UNC79: variants seen among roughly 807,000 people sequenced by gnomAD.
UNC79 encodes protein unc-79 homolog.
A neutral mutation model predicts 283.1 loss-of-function variants in UNC79; 37 were observed. The ratio of observed to expected loss-of-function variants is 0.13; its 90% CI spans 0.10 to 0.17. The LOEUF (loss-of-function observed/expected upper bound fraction) is 0.17, where lower values mean the gene tolerates loss of function less well. Among genes scored for constraint, UNC79 ranks in the 10% least tolerant of loss-of-function variants. UNC79 has a pLI of 1.00. For missense variants in UNC79, 2,272 were observed against 3,211.1 expected (o/e 0.71, Z 7.07); for synonymous variants, 1,107 against 1,200.2 (o/e 0.92, Z 1.61).
intron 1 of UNC79, among the ~76,000 whole-genome samples, chr14:93,386,847 G>A (rs1048675366): frequency 7.7e-6 from 1 of 129,392 alleles, no homozygotes; most frequent in Non-Finnish European, 1.7e-5. Flanking sequence ...TGTCACTCTT[G>A]TTTATCTTTT....
At chr14:93,681,986 G>C (rs2073882472) in intron 41 of UNC79, among the ~76,000 whole-genome samples, 1 of 152,192 alleles carries the variant, frequency 6.6e-6, no homozygotes, top group Admixed American at 6.5e-5. Context: ...CATCAAGCCT[G>C]TGCTCTTGAA....
At chr14:93,555,795 T>C (rs1329784442) in intron 14 of UNC79, among the ~76,000 whole-genome samples, 1 of 152,220 alleles carries the variant, frequency 6.6e-6, no homozygotes, top group Non-Finnish European at 1.5e-5. Flanking sequence ...GTAACTCTGA[T>C]TTTGCATTTT....
intron 33 of UNC79, 101 bp downstream of exon 36, chr14:93,641,348 T>A: frequency 8.6e-7 from 1 of 1,159,464 alleles, no homozygotes; most frequent in Non-Finnish European, 1.2e-6. Context: ...TGCTTTTAAG[T>A]CATAATTTGT....
intron 2 of UNC79, among the ~76,000 whole-genome samples, chr14:93,468,647 T>TA (rs1268297360): frequency 6.6e-6 from 1 of 152,240 alleles, no homozygotes; most frequent in African/African-American, 2.4e-5. Flanking sequence ...CTGGAGTTTC[T>TA]AGCAGTCGAA....
intron 28 of UNC79, among the ~76,000 whole-genome samples, 190 bp from the exon 30 acceptor site, chr14:93,618,002 A>G (rs2066854519): frequency 6.6e-6 from 1 of 152,186 alleles, no homozygotes; most frequent in Non-Finnish European, 1.5e-5. Flanking sequence ...CCTGGGTGAC[A>G]GAGTGAGACC....
chr14:93,347,446 GGGCGCCCC>G, intron 1 of UNC79: 2 of 1,402,660 alleles, frequency 1.4e-6, no homozygotes, highest in South Asian at 3.1e-5. Context: ...GGCCCTGGCG[GGGCGCCCC>G]GACGGGTGGG....
chr14:93,656,407 G>A (rs1344395418), intron 38 of UNC79, among the ~76,000 whole-genome samples: 3 of 151,888 alleles, frequency 2.0e-5, no homozygotes, highest in Non-Finnish European at 4.4e-5. Context: ...GAGTTTGAGA[G>A]CAGTCTGGGG....
At chr14:93,509,366 A>C (rs1402442719) in intron 7 of UNC79, among the ~76,000 whole-genome samples, 1 of 152,158 alleles carries the variant, frequency 6.6e-6, no homozygotes, top group Non-Finnish European at 1.5e-5. Flanking sequence ...CCTTCCCAAC[A>C]GTCTTCCAAA....
chr14:93,399,986 G>A (rs1033947677), intron 1 of UNC79, among the ~76,000 whole-genome samples: 2 of 152,142 alleles, frequency 1.3e-5, no homozygotes, highest in African/African-American at 4.8e-5. Flanking sequence ...CATAGTCCTG[G>A]GAGTTTTAGG....
chr14:93,688,291 C>T lies in UNC79; in HGVS notation c.6910-374C>T, dbSNP rs573672325. Among the ~76,000 whole-genome samples the T allele has an allele frequency of 4.6e-5, 7 of 152,196 alleles. No individual in the cohort carries two copies. The highest frequency in any genetic ancestry group is 2.1e-4 in the South Asian group (1 of 4,822). ...AGGCAGAAGGCAGCACGGACCTGGC[C>T]GGGGAGGTCAGGGAAGGCTTCCCAG... On this transcript the variant is annotated intron_variant, in intron 43 of 48. Coordinates refer to ENST00000555664, the Ensembl canonical transcript of UNC79. The surrounding 1 kb of genome is among the most constrained non-coding windows in gnomAD (Gnocchi z 4.0).
chr14:93,375,477 T>C (rs2139975610), intron 1 of UNC79, among the ~76,000 whole-genome samples: 1 of 152,346 alleles, frequency 6.6e-6, no homozygotes, highest in East Asian at 1.9e-4. Flanking sequence ...GGTTAATGGA[T>C]TAATAGGTGT....
chr14:93,432,158 C>T (rs1261191296), intron 1 of UNC79, among the ~76,000 whole-genome samples: 1 of 152,160 alleles, frequency 6.6e-6, no homozygotes, highest in South Asian at 2.1e-4. Flanking sequence ...ACAGTAGTCT[C>T]ATTATTTGAG....
chr14:93,337,263 CT>C (rs762369365), intron 1 of UNC79, among the ~76,000 whole-genome samples: 1 of 152,260 alleles, frequency 6.6e-6, no homozygotes, highest in Non-Finnish European at 1.5e-5. Context: ...AGTCTACGCA[CT>C]TTGGGTCTTG....
chr14:93,439,882 A>G (rs977506439), intron 1 of UNC79, among the ~76,000 whole-genome samples: 20 of 152,248 alleles, frequency 1.3e-4, no homozygotes, highest in Middle Eastern at 3.4e-3. Flanking sequence ...ATTTGTTTGC[A>G]TAGAATTATG....
At chr14:93,576,650 A>G (rs1287305439) in intron 17 of UNC79, among the ~76,000 whole-genome samples, 1 of 152,168 alleles carries the variant, frequency 6.6e-6, no homozygotes, top group East Asian at 1.9e-4. Context: ...GAAAGTCCTT[A>G]CACTCCCAGG....
At chr14:93,602,961 GT>G (rs1263196323) in intron 25 of UNC79, among the ~76,000 whole-genome samples, 1 of 152,096 alleles carries the variant, frequency 6.6e-6, no homozygotes, top group African/African-American at 2.4e-5. Context: ...TTATTAATCA[GT>G]TACCTACAGC....
chr14:93,347,192 C>T (rs1433278622), intron 1 of UNC79: 6 of 1,481,458 alleles, frequency 4.1e-6, no homozygotes, highest in Non-Finnish European at 5.4e-6. Context: ...AGCTGCCTCA[C>T]GAGCACTGGA....
exon 30 of UNC79, chr14:93,622,143 T>A (rs2067186994): frequency 6.2e-7 from 1 of 1,614,008 alleles, no homozygotes; most frequent in East Asian, 2.2e-5. Flanking sequence ...TTTGAGCCTC[T>A]TCCCCCTCTC....
intron 14 of UNC79, among the ~76,000 whole-genome samples, chr14:93,545,409 T>C (rs868398211): frequency 6.6e-6 from 1 of 152,198 alleles, no homozygotes; most frequent in Non-Finnish European, 1.5e-5. Flanking sequence ...GATTGGACTT[T>C]TAGAGGTTTC....
Sources: gnomAD v4.1 joint callset for allele counts (sites outside exome capture counted in the v4.1 genomes callset) on GRCh38, gnomAD v4.1.1 for gene constraint, Gnocchi (gnomAD v3.1) non-coding constraint, MANE v1.5 for transcripts, NCBI Gene and HGNC (gene_info 2026-07-23, HGNC 2026-07-21) for gene names.